SHROOM4: variants seen among roughly 807,000 people sequenced by gnomAD.
The protein encoded by SHROOM4 is protein Shroom4.
SHROOM4 carries 17 observed loss-of-function variants against 80.3 expected under a neutral mutation model. The ratio of observed to expected loss-of-function variants is 0.21; its 90% CI spans 0.14 to 0.32. SHROOM4 has a LOEUF of 0.32. SHROOM4 is among the 10% of genes least tolerant of loss of function. The pLI is 1.00. For synonymous variants in SHROOM4, 400 were observed against 437.5 expected (o/e 0.91, Z 1.07); for missense variants, 993 against 1,140.3 (o/e 0.87, Z 1.86).
chrX:50,724,628 CTTATT>C (rs1263262998), intron 1 of SHROOM4, among the ~76,000 whole-genome samples: 1 of 111,845 alleles, frequency 8.9e-6, no homozygotes, highest in Non-Finnish European at 1.9e-5. Flanking sequence ...CCACACCTGG[CTTATT>C]TTATTTTATT....
chrX:50,723,803 C>T (rs1934184401), intron 1 of SHROOM4, among the ~76,000 whole-genome samples: 2 of 111,404 alleles, frequency 1.8e-5, no homozygotes, highest in African/African-American at 3.3e-5. Flanking sequence ...TGGGTATTGA[C>T]GGCCAGGCTT....
At chrX:50,667,221 G>C (rs1932719945) in intron 2 of SHROOM4, among the ~76,000 whole-genome samples, 1 of 111,552 alleles carries the variant, frequency 9.0e-6, no homozygotes, top group African/African-American at 3.3e-5. Context: ...CCAAGTTTAA[G>C]ACTGAGGCTT....
At chrX:50,669,620 AG>A (rs1344973532) in intron 2 of SHROOM4, among the ~76,000 whole-genome samples, 1 of 111,658 alleles carries the variant, frequency 9.0e-6, no homozygotes, top group African/African-American at 3.3e-5. Context: ...TCAAAATTGG[AG>A]TCAATCCTCT....
intron 1 of SHROOM4, among the ~76,000 whole-genome samples, chrX:50,746,576 A>G (rs782277785): frequency 8.9e-6 from 1 of 112,053 alleles, no homozygotes; most frequent in South Asian, 3.8e-4. Flanking sequence ...TGAGTTGGTA[A>G]ATTCAAGTCC....
At chrX:50,770,649 G>A (rs781806297) in intron 1 of SHROOM4, among the ~76,000 whole-genome samples, 1 of 111,973 alleles carries the variant, frequency 8.9e-6, no homozygotes, top group Admixed American at 9.4e-5. Context: ...AGACTTAGAG[G>A]TTCAAATAGC....
At chrX:50,709,311 C>G (rs954637529) in intron 1 of SHROOM4, among the ~76,000 whole-genome samples, 1 of 111,979 alleles carries the variant, frequency 8.9e-6, no homozygotes, top group African/African-American at 3.2e-5. Flanking sequence ...TCCACAGGGC[C>G]CCTAGGCCAT....
At chrX:50,585,268 C>T (rs180995893), downstream of SHROOM4, among the ~76,000 whole-genome samples, 1 of 111,800 alleles carries the variant, frequency 8.9e-6, no homozygotes, top group Non-Finnish European at 1.9e-5. Context: ...CCGAATACCA[C>T]ACACTGTTAT....
chrX:50,682,165 G>C (rs1451393609), intron 2 of SHROOM4, among the ~76,000 whole-genome samples: 2 of 111,794 alleles, frequency 1.8e-5, no homozygotes, highest in African/African-American at 6.5e-5. Context: ...CTAGTCAAAT[G>C]CTCAGTGTCT....
At chrX:50,775,015 G>A (rs1419388252) in intron 1 of SHROOM4, among the ~76,000 whole-genome samples, 1 of 111,889 alleles carries the variant, frequency 8.9e-6, no homozygotes, top group Non-Finnish European at 1.9e-5. Context: ...CCCTCCCCAT[G>A]TGAACAATCC....
At chrX:50,725,857 A>G (rs1934232100) in intron 1 of SHROOM4, among the ~76,000 whole-genome samples, 2 of 112,241 alleles carry the variant, frequency 1.8e-5, no homozygotes, top group African/African-American at 6.5e-5. Context: ...ATAACCTGAA[A>G]ATGTGGAAGT....
intron 1 of SHROOM4, among the ~76,000 whole-genome samples, chrX:50,709,178 C>T (rs139896548): frequency 1.5e-4 from 17 of 111,354 alleles, no homozygotes; most frequent in Middle Eastern, 9.3e-3. Context: ...AAAGAAGCAA[C>T]GAGAAGCTTG....
intron 1 of SHROOM4, among the ~76,000 whole-genome samples, chrX:50,766,504 T>C (rs937448030): frequency 9.0e-6 from 1 of 111,633 alleles, no homozygotes; most frequent in South Asian, 3.7e-4. Context: ...GCTGAAACAT[T>C]TGGATATCAG....
intron 2 of SHROOM4, among the ~76,000 whole-genome samples, chrX:50,684,007 G>T (rs1360943502): frequency 9.0e-6 from 1 of 111,667 alleles, no homozygotes; most frequent in African/African-American, 3.3e-5. Context: ...TGTTTCTGGA[G>T]CCAAAGGAAG....
At chrX:50,656,513 T>C (rs145238896) in intron 2 of SHROOM4, among the ~76,000 whole-genome samples, 6 of 112,072 alleles carry the variant, frequency 5.4e-5, no homozygotes, top group Non-Finnish European at 9.4e-5. Flanking sequence ...AGACTGTGCT[T>C]TCCCCATTAT....
chrX:50,787,883 G>A (rs1290923777), intron 1 of SHROOM4, among the ~76,000 whole-genome samples: 4 of 110,889 alleles, frequency 3.6e-5, no homozygotes, highest in Middle Eastern at 4.7e-3. Context: ...AAAAAAACCC[G>A]AGAGAGTTCA....
intron 1 of SHROOM4, among the ~76,000 whole-genome samples, chrX:50,774,142 T>C (rs1935456483): frequency 9.0e-6 from 1 of 111,499 alleles, no homozygotes; most frequent in African/African-American, 3.3e-5. Flanking sequence ...ACTTGTCCCC[T>C]TGAATTCCCA....
intron 1 of SHROOM4, among the ~76,000 whole-genome samples, chrX:50,797,091 G>A (rs902607164): frequency 2.8e-5 from 3 of 105,725 alleles, no homozygotes; most frequent in African/African-American, 1.0e-4. Context: ...AAAAGAGTGC[G>A]GGGGGAGGGA....
chrX:50,695,650 G>T, intron 2 of SHROOM4, 136 bp downstream of exon 2: 2 of 720,163 alleles, frequency 2.8e-6, no homozygotes, highest in Non-Finnish European at 4.3e-6. Context: ...TTCTGCTTCA[G>T]TTGTCTGCAA....
intron 1 of SHROOM4, among the ~76,000 whole-genome samples, chrX:50,793,814 T>C (rs1557271774): frequency 9.1e-6 from 1 of 110,268 alleles, no homozygotes; most frequent in African/African-American, 3.3e-5. Flanking sequence ...CAGGGCTACC[T>C]GGCCTTAAGT....
Sources: allele counts gnomAD v4.1 joint callset (sites outside exome capture counted in the v4.1 genomes callset), GRCh38; gene constraint gnomAD v4.1.1; transcripts MANE v1.5; gene names NCBI Gene and HGNC (gene_info 2026-07-23, HGNC 2026-07-21).